The following ANTXR1 variants were observed in gnomAD, a reference collection of about 807,000 sequenced individuals.
ANTXR1 encodes ANTXR cell adhesion molecule 1.
Under a neutral mutation model 78.1 loss-of-function variants are expected in ANTXR1, and 19 were observed. That is an observed-to-expected ratio of 0.24 (90% CI 0.17 to 0.36). The LOEUF is 0.36. ANTXR1 is among the 10% of genes least tolerant of loss of function. The probability of loss-of-function intolerance (pLI) is 1.00; values close to 1 mark genes in which losing one functional copy is unlikely to be tolerated. For missense variants in ANTXR1, 518 were observed against 718.6 expected, an observed-to-expected ratio of 0.72 and a Z score of 3.19; for synonymous variants, 273 against 260.5, an observed-to-expected ratio of 1.05 and a Z score of -0.46.
chr2:69,096,709 A>T (rs62133506), intron 9 of ANTXR1, among the ~76,000 whole-genome samples: 11,647 of 152,252 alleles, frequency 0.076, 586 homozygotes, highest in East Asian at 0.23. Flanking sequence ...ATCGGATTTC[A>T]CCTAAAAATA....
At chr2:69,098,870 C>T (rs1227126481) in intron 9 of ANTXR1, among the ~76,000 whole-genome samples, 3 of 152,160 alleles carry the variant, frequency 2.0e-5, no homozygotes, top group African/African-American at 7.2e-5. Context: ...CCTATAATCC[C>T]AGCTACTCCG....
intron 8 of ANTXR1, among the ~76,000 whole-genome samples, chr2:69,078,009 G>A (rs1670792661): frequency 6.6e-6 from 1 of 152,316 alleles, no homozygotes; most frequent in Non-Finnish European, 1.5e-5. Flanking sequence ...TGATTTTAAT[G>A]TTGAGACCCA....
At chr2:69,100,122 A>T (rs1671559332) in intron 9 of ANTXR1, among the ~76,000 whole-genome samples, 1 of 152,218 alleles carries the variant, frequency 6.6e-6, no homozygotes, top group African/African-American at 2.4e-5. Context: ...ACAGCTGTAC[A>T]TATTTTGAAA....
chr2:69,027,137 G>A (rs140414344), intron 1 of ANTXR1, among the ~76,000 whole-genome samples: 2,917 of 152,254 alleles, frequency 0.019, 25 homozygotes, highest in Middle Eastern at 0.037. Flanking sequence ...TCCCCTTGGA[G>A]CCCTGTTGCT....
At chr2:69,226,077 C>T (rs527468339) in intron 17 of ANTXR1, among the ~76,000 whole-genome samples, 74 of 152,298 alleles carry the variant, frequency 4.9e-4, no homozygotes, top group African/African-American at 1.7e-3. Flanking sequence ...GCCTCAGTCC[C>T]AGCCACATCT....
At chr2:69,037,813 A>G (rs73934656) in intron 1 of ANTXR1, among the ~76,000 whole-genome samples, 3,732 of 152,220 alleles carry the variant, frequency 0.025, 142 homozygotes, top group African/African-American at 0.085. Context: ...GCGGACAATG[A>G]GTATCCCAAG....
chr2:69,094,279 G>T (rs560783002), intron 9 of ANTXR1, among the ~76,000 whole-genome samples: 258 of 152,298 alleles, frequency 1.7e-3, no homozygotes, highest in African/African-American at 6.1e-3. Flanking sequence ...TCTTAATAAG[G>T]ATTAAAGGCC....
chr2:69,073,238 AAATAAT>A (rs113688651), intron 6 of ANTXR1, 137 bp downstream of exon 6: 13 of 743,082 alleles, frequency 1.7e-5, no homozygotes, highest in Admixed American at 6.5e-5. Context: ...TCATAAGTAG[AAATAAT>A]AATAATAATT....
chr2:69,140,373 T>C (rs529155560), intron 12 of ANTXR1, among the ~76,000 whole-genome samples: 1 of 152,364 alleles, frequency 6.6e-6, no homozygotes, highest in East Asian at 1.9e-4. Flanking sequence ...TGGAAAACCA[T>C]ATGCTTTCTC....
chr2:69,216,431 A>C (rs75365804), intron 17 of ANTXR1, among the ~76,000 whole-genome samples: 1 of 150,760 alleles, frequency 6.6e-6, no homozygotes, highest in African/African-American at 2.5e-5. Context: ...ACATACATAT[A>C]CACACATACA....
At chr2:69,042,796 A>T (rs1669649549) in intron 2 of ANTXR1, among the ~76,000 whole-genome samples, 2 of 152,070 alleles carry the variant, frequency 1.3e-5, no homozygotes, top group Admixed American at 6.5e-5. Context: ...CCAGAGGAAA[A>T]ATCCAGGAGC....
chr2:69,096,092 A>G (rs187673188), intron 9 of ANTXR1, among the ~76,000 whole-genome samples: 163 of 152,006 alleles, frequency 1.1e-3, no homozygotes, highest in African/African-American at 3.8e-3. Flanking sequence ...CCCCGTCTCT[A>G]CTAAAAATAC....
At chr2:69,189,478 T>G (rs1205905391) in intron 16 of ANTXR1, among the ~76,000 whole-genome samples, 1 of 152,236 alleles carries the variant, frequency 6.6e-6, no homozygotes, top group Admixed American at 6.5e-5. Context: ...TGGTTCATTT[T>G]ATTGACTGCA....
At chr2:69,147,683 G>A (rs1257230600) in intron 12 of ANTXR1, among the ~76,000 whole-genome samples, 1 of 152,204 alleles carries the variant, frequency 6.6e-6, no homozygotes, top group Non-Finnish European at 1.5e-5. Context: ...TGGGGGTCAA[G>A]GTTCTAAAAT....
At chr2:69,193,833 C>T (rs1030550450) in intron 17 of ANTXR1, among the ~76,000 whole-genome samples, 7 of 152,192 alleles carry the variant, frequency 4.6e-5, no homozygotes, top group African/African-American at 1.7e-4. Flanking sequence ...CACAGAGTAC[C>T]AGCACTGCAA....
chr2:69,172,683 T>C (rs1335830870), intron 14 of ANTXR1: 2 of 473,548 alleles, frequency 4.2e-6, no homozygotes, highest in Non-Finnish European at 5.9e-6. Context: ...AGAATGAAGA[T>C]AACTTTATAA....
intron 8 of ANTXR1, among the ~76,000 whole-genome samples, chr2:69,079,933 C>G (rs1422635601): frequency 2.0e-5 from 3 of 152,194 alleles, no homozygotes; most frequent in Admixed American, 6.5e-5. Flanking sequence ...GCAACTCACC[C>G]AAGCTCAACA....
chr2:69,217,229 T>C (rs1223054968), intron 17 of ANTXR1, among the ~76,000 whole-genome samples: 2 of 152,218 alleles, frequency 1.3e-5, no homozygotes, highest in Non-Finnish European at 2.9e-5. Flanking sequence ...CAGTCAGCAG[T>C]TCCCACCAAA....
chr2:69,197,448 T>C (rs1674691944), intron 17 of ANTXR1, among the ~76,000 whole-genome samples: 1 of 152,198 alleles, frequency 6.6e-6, no homozygotes, highest in South Asian at 2.1e-4. Flanking sequence ...CCAAATGGGC[T>C]CTGAGCACGT....
Sources: gnomAD v4.1 joint callset for allele counts (sites outside exome capture counted in the v4.1 genomes callset) on GRCh38, gnomAD v4.1.1 for gene constraint, MANE v1.5 for transcripts, NCBI Gene and HGNC (gene_info 2026-07-23, HGNC 2026-07-21) for gene names.